Variants in NDST3 observed in about 807,000 individuals in gnomAD.
NDST3 encodes the protein bifunctional heparan sulfate N-deacetylase/N-sulfotransferase 3.
Under a neutral mutation model 96.1 loss-of-function variants are expected in NDST3, and 58 were observed. The observed-to-expected ratio is 0.60, with a 90% CI of 0.49 to 0.75. The LOEUF (loss-of-function observed/expected upper bound fraction) is 0.75, where lower values mean the gene tolerates loss of function less well. NDST3 is among the 30% of genes least tolerant of loss of function. NDST3 has a pLI of 0.00. For synonymous variants in NDST3, 333 were observed against 359.7 expected, an observed-to-expected ratio of 0.93 and a Z score of 0.84; for missense variants, 788 against 1,034.2, an observed-to-expected ratio of 0.76 and a Z score of 3.27.
At chr4:118,073,830 G>A (rs1727279988) in intron 2 of NDST3, among the ~76,000 whole-genome samples, 1 of 151,684 alleles carries the variant, frequency 6.6e-6, no homozygotes, top group South Asian at 2.1e-4. Flanking sequence ...GTTCATCTAG[G>A]TGTGATGTTA....
chr4:118,145,958 C>T (rs1317263519), intron 6 of NDST3, among the ~76,000 whole-genome samples: 1 of 152,158 alleles, frequency 6.6e-6, no homozygotes, highest in Non-Finnish European at 1.5e-5. Flanking sequence ...TGGATTCAGC[C>T]CACATCTAGC....
chr4:118,191,015 A>G (rs1313830743), intron 6 of NDST3, among the ~76,000 whole-genome samples: 3 of 152,218 alleles, frequency 2.0e-5, no homozygotes, highest in Non-Finnish European at 2.9e-5. Context: ...CCAGTTTTTA[A>G]AGAGTTTTTC....
chr4:118,203,376 C>T (rs1293340270), intron 6 of NDST3, among the ~76,000 whole-genome samples: 3 of 152,102 alleles, frequency 2.0e-5, no homozygotes, highest in Non-Finnish European at 1.5e-5. Flanking sequence ...TGAATAATTT[C>T]AGTAGGATTG....
chr4:118,252,321 G>T (rs2126015053), intron 12 of NDST3, among the ~76,000 whole-genome samples: 1 of 152,290 alleles, frequency 6.6e-6, no homozygotes, highest in South Asian at 2.1e-4. Context: ...GCCTAGACTT[G>T]AGTCATGACT....
chr4:118,243,117 T>G (rs1261138590), intron 12 of NDST3, among the ~76,000 whole-genome samples: 2 of 149,924 alleles, frequency 1.3e-5, no homozygotes, highest in African/African-American at 4.9e-5. Context: ...GGACTGAGCC[T>G]TAAAAAAAAA....
In NDST3 at chr4:118,257,338, C is replaced by T. The variant is rs886203338; in HGVS notation, c.*1626C>T. 1.3e-5 allele frequency: 2 copies of T among 152,096 alleles called. No individual in the cohort carries two copies. Among genetic ancestry groups the T allele is most frequent in the Admixed American group, 1.3e-4 (2 of 15,272 alleles). The allele number at this position is 152,096 out of a possible 1,614,324, so 9.4% of individuals were successfully genotyped here. ...ATTTTTAGTAGTGACAGGGTTTCAC[C>T]ATGTTGACTAGGCTGATCTTGAACT... On this transcript the variant is annotated 3_prime_UTR_variant, in exon 14 of 14. Transcript: ENST00000296499.
In NDST3 at chr4:118,143,674, T is replaced by C. The variant is rs1733730057; in HGVS notation, c.1529T>C (p.Val510Ala). 2 of 1,594,970 alleles carry C rather than the reference T, an allele frequency of 1.3e-6. No homozygotes were observed. Among genetic ancestry groups the C allele is most frequent in the Non-Finnish European group, 1.7e-6 (2 of 1,174,688 alleles). ...IQGGELFFTV[V>A]LNPISIFMTH... Reference sequence around the variant, plus strand: ...GGAGGAGAACTTTTCTTCACTGTCGTCCTCAACCCTGTAAGTACTTTATTC... The same window carrying C: ...GGAGGAGAACTTTTCTTCACTGTCGCCCTCAACCCTGTAAGTACTTTATTC... Residue 510 changes from valine to alanine, a missense_variant, in exon 6 of 14, where the codon GTC becomes GCC. Val to Ala is a moderately conservative substitution (Grantham distance 64). Around this residue, in one of 3 missense-constraint regions of NDST3, gnomAD observed 490 missense variants for 708.8 expected, o/e 0.69. Coordinates refer to ENST00000296499, the MANE Select transcript of NDST3 (RefSeq NM_004784.3).
At chr4:118,221,374 C>A (rs1157538708) in intron 6 of NDST3, among the ~76,000 whole-genome samples, 1 of 152,042 alleles carries the variant, frequency 6.6e-6, no homozygotes, top group African/African-American at 2.4e-5. Context: ...TTAAACTGAG[C>A]AGCGTGGTCA....
rs772378934 is a variant in NDST3 at position 118,138,211 on chromosome 4, G to A, written c.1382G>A (p.Arg461Gln). The change falls in exon 5 of 14, where the codon CGG becomes CAG. Residue 461 changes from arginine to glutamine, a missense_variant. Physicochemically the swap from Arg to Gln is conservative, Grantham distance 43. Coordinates refer to ENST00000296499, the MANE Select transcript of NDST3 (RefSeq NM_004784.3). ...EYPHLKPARY[R>Q]RGFIHKNIMV... ...CCACATCTGAAGCCAGCTAGATACCGGAGGGGTTTTATCCACAAAAACATC... is the reference window on the plus strand; with the variant it reads ...CCACATCTGAAGCCAGCTAGATACCAGAGGGGTTTTATCCACAAAAACATC... The A allele has an allele frequency of 3.7e-6, 6 of 1,613,624 alleles. No homozygotes were observed. The highest frequency in any genetic ancestry group is 1.3e-5 in the African/African-American group (1 of 74,852).
intron 6 of NDST3, among the ~76,000 whole-genome samples, chr4:118,222,326 CAAAG>C (rs1257597169): frequency 6.6e-6 from 1 of 150,716 alleles, no homozygotes; most frequent in Non-Finnish European, 1.5e-5. Flanking sequence ...AAAAAAGTAA[CAAAG>C]AAAGAGAGGT....
At chr4:118,140,279 C>G (rs1049754159) in intron 5 of NDST3, among the ~76,000 whole-genome samples, 1 of 152,174 alleles carries the variant, frequency 6.6e-6, no homozygotes, top group Admixed American at 6.6e-5. Flanking sequence ...AAACAAAGCA[C>G]CTTAGTATAT....
chr4:118,226,810 C>A, intron 7 of NDST3, 76 bp from the exon 8 acceptor site: 1 of 1,009,732 alleles, frequency 9.9e-7, no homozygotes, highest in Non-Finnish European at 1.5e-6. Flanking sequence ...TTTTAAAGAA[C>A]ACAAGTTGGA....
At chr4:118,216,905 AAT>A (rs1457072592) in intron 6 of NDST3, among the ~76,000 whole-genome samples, 1 of 152,084 alleles carries the variant, frequency 6.6e-6, no homozygotes, top group Non-Finnish European at 1.5e-5. Context: ...AAGCACATAC[AAT>A]ATATTACAGA....
At position 118,231,778 on chromosome 4, in the gene NDST3, C is replaced by T. The variant is rs186388917; in HGVS notation, c.1820-1234C>T. Among the ~76,000 whole-genome samples the T allele has an allele frequency of 5.8e-3, 881 of 152,260 alleles. 6 individuals carry two copies. Among genetic ancestry groups the T allele is most frequent in the African/African-American group, 0.02 (838 of 41,562 alleles). On this transcript the variant is annotated intron_variant, in intron 8 of 13. Coordinates refer to ENST00000296499, the MANE Select transcript of NDST3 (RefSeq NM_004784.3). ...GATCTTTTAAACACAGTCACAGTTA[C>T]AAGTATTAAATACATGGCTAAATCT...
intron 1 of NDST3, among the ~76,000 whole-genome samples, chr4:118,046,131 A>G (rs1353092160): frequency 2.0e-5 from 3 of 152,222 alleles, no homozygotes; most frequent in Admixed American, 6.5e-5. Context: ...GAAGGCAGGC[A>G]CAGGGTACTG....
chr4:118,038,176 T>C (rs1578519437), intron 1 of NDST3, among the ~76,000 whole-genome samples: 1 of 152,234 alleles, frequency 6.6e-6, no homozygotes, highest in Non-Finnish European at 1.5e-5. Context: ...TATGTGAGCA[T>C]GTGTGACAGA....
intron 6 of NDST3, among the ~76,000 whole-genome samples, chr4:118,172,625 G>A (rs138241632): frequency 6.6e-6 from 1 of 151,870 alleles, no homozygotes; most frequent in Non-Finnish European, 1.5e-5. Context: ...TGAGGATTGG[G>A]CATATTTTTC....
intron 5 of NDST3, among the ~76,000 whole-genome samples, chr4:118,142,303 G>T (rs567747792): frequency 1.3e-5 from 2 of 151,608 alleles, no homozygotes; most frequent in African/African-American, 2.4e-5. Context: ...AGGATATATA[G>T]AGTTTTTATT....
At position 118,043,020 on chromosome 4, in the gene NDST3, A is replaced by T. The variant is rs190233972; in HGVS notation, c.-156+8428A>T. 1.6e-4 allele frequency among the ~76,000 whole-genome samples: 24 copies of T among 152,324 alleles called. 1 individual carries two copies. Among genetic ancestry groups the T allele is most frequent in the Admixed American group, 1.4e-3 (21 of 15,296 alleles). On this transcript the variant is annotated intron_variant, in intron 1 of 13. Coordinates refer to ENST00000296499, the MANE Select transcript of NDST3 (RefSeq NM_004784.3). ...TAGAGTCCATTATCTAGGGGAAAGG[A>T]TTATTCCTAATATCCTAATATACTT...
Sources: gnomAD v4.1 joint callset for allele counts (sites outside exome capture counted in the v4.1 genomes callset) on GRCh38, gnomAD v4.1.1 for gene constraint, gnomAD v4.1.1 regional missense constraint, MANE v1.5 for transcripts, NCBI Gene and HGNC (gene_info 2026-07-23, HGNC 2026-07-21) for gene names.